Variants in PRKAR1A observed in about 807,000 individuals in gnomAD.
PRKAR1A encodes the protein protein kinase cAMP-dependent type I regulatory subunit alpha.
Under a neutral mutation model 52.0 loss-of-function variants are expected in PRKAR1A, and 3 were observed. That is an observed-to-expected ratio of 0.06 (90% CI 0.03 to 0.15). The LOEUF is 0.15. Ranked by LOEUF, PRKAR1A falls within the 10% of genes least tolerant of loss-of-function variation. PRKAR1A has a pLI of 1.00. For synonymous variants in PRKAR1A, 188 were observed against 168.4 expected (o/e 1.12, Z -0.90); for missense variants, 240 against 477.4 (o/e 0.50, Z 4.63).
the PRKAR1A span, among the ~76,000 whole-genome samples, chr17:68,456,667 T>A: frequency 6.6e-6 from 1 of 152,166 alleles, no homozygotes; most frequent in African/African-American, 2.4e-5. Flanking sequence ...GAAAGCAGTC[T>A]GCGCCCGGGA....
intron 11 of PRKAR1A, chr17:68,543,627 A>C (rs1483011834): frequency 6.2e-7 from 1 of 1,613,790 alleles, no homozygotes; most frequent in African/African-American, 1.3e-5. Flanking sequence ...GCCAGACCCT[A>C]CCTGTCCAGA....
chr17:68,444,601 C>A, the PRKAR1A span: 1 of 1,606,530 alleles, frequency 6.2e-7, no homozygotes, highest in Middle Eastern at 1.7e-4. Context: ...TGTAATCACA[C>A]AGACTTATCA....
chr17:68,425,693 T>G, the PRKAR1A span, among the ~76,000 whole-genome samples: 1 of 152,136 alleles, frequency 6.6e-6, no homozygotes. Flanking sequence ...AAGGCAGCAT[T>G]CTGCAAACGC....
the PRKAR1A span, among the ~76,000 whole-genome samples, chr17:68,489,234 A>AAT: frequency 4.9e-5 from 1 of 20,594 alleles, no homozygotes; most frequent in Non-Finnish European, 7.9e-5. Flanking sequence ...ATATATGGAA[A>AAT]GTATATATAT....
Position 68,532,050 on chromosome 17 carries a change from C to G in PRKAR1A, c.*1601C>G. On this transcript the variant is annotated 3_prime_UTR_variant, in exon 11 of 11. Coordinates refer to ENST00000589228, the MANE Select transcript of PRKAR1A (RefSeq NM_002734.5). ...ATTTGAAAAACTTTTAGGTTGTTAC[C>G]AAGTATGAAGTATAAATCTGGGGAA... 1 of 1,064,740 alleles carries G rather than the reference C, an allele frequency of 9.4e-7. No homozygotes were observed. Among genetic ancestry groups the G allele is most frequent in the Non-Finnish European group, 1.1e-6 (1 of 878,734 alleles). 66.0% of individuals were successfully genotyped at this position (1,064,740 alleles called of 1,614,324 possible). A position where few individuals can be genotyped will look rare whatever the true frequency, so the allele number is the denominator to read the frequency against.
chr17:68,548,725 ATTT>A (rs753348891), intron 11 of PRKAR1A, among the ~76,000 whole-genome samples: 49 of 79,184 alleles, frequency 6.2e-4, no homozygotes, highest in African/African-American at 2.6e-3. Flanking sequence ...ATGCCTGTAT[ATTT>A]TTTTTTTTTT....
chr17:68,535,899 G>T (rs2086084134), downstream of PRKAR1A: 1 of 453,888 alleles, frequency 2.2e-6, no homozygotes, highest in Admixed American at 2.4e-5. Flanking sequence ...TTTGGAATAG[G>T]TCTAAACCAC....
chr17:68,523,434 T>A (rs184847775), intron 3 of PRKAR1A, among the ~76,000 whole-genome samples: 1 of 152,342 alleles, frequency 6.6e-6, no homozygotes, highest in Admixed American at 6.5e-5. Context: ...TAGTTTTGCC[T>A]CAGAATAATG....
the PRKAR1A span, among the ~76,000 whole-genome samples, chr17:68,445,239 G>A: frequency 6.6e-6 from 1 of 152,128 alleles, no homozygotes; most frequent in African/African-American, 2.4e-5. Context: ...AACACTTTCT[G>A]ATCAGACCCC....
chr17:68,472,004 A>G, the PRKAR1A span, among the ~76,000 whole-genome samples: 1 of 152,148 alleles, frequency 6.6e-6, no homozygotes, highest in African/African-American at 2.4e-5. Flanking sequence ...GGGTTTTACC[A>G]TGTTGGCCAG....
chr17:68,450,798 A>G, the PRKAR1A span: 5 of 1,613,938 alleles, frequency 3.1e-6, no homozygotes, highest in Non-Finnish European at 4.2e-6. Context: ...GCCTTTCTTG[A>G]AGTGATACAC....
the PRKAR1A span, chr17:68,426,253 G>GGGGGGGT: frequency 7.1e-6 from 6 of 841,014 alleles, no homozygotes; most frequent in South Asian, 2.6e-5. Context: ...GGGGAGCGGG[G>GGGGGGGT]GCTCAAATAA....
downstream of PRKAR1A, chr17:68,535,295 TA>T (rs769508506): frequency 8.8e-6 from 4 of 454,048 alleles, no homozygotes; most frequent in African/African-American, 4.0e-5. Context: ...AAGGTAGGTG[TA>T]CCACATATCA....
the PRKAR1A span, among the ~76,000 whole-genome samples, chr17:68,486,469 CTCTCCTTCCTTCCTTCCTTCCT>C: frequency 9.8e-6 from 1 of 102,354 alleles, no homozygotes; most frequent in Non-Finnish European, 2.0e-5. Context: ...TTCTTTCTTT[CTCTCCTTCCTTCCTTCCTTCCT>C]TCCTTCCTTC....
the PRKAR1A span, among the ~76,000 whole-genome samples, chr17:68,425,075 G>A: frequency 8.5e-5 from 13 of 152,188 alleles, no homozygotes; most frequent in Non-Finnish European, 1.9e-4. Flanking sequence ...AAGAAGCCAC[G>A]CCCAGCACTC....
the PRKAR1A span, among the ~76,000 whole-genome samples, chr17:68,464,647 C>T: frequency 4.7e-5 from 7 of 149,290 alleles, no homozygotes; most frequent in East Asian, 7.9e-4. Context: ...TGCCGCCGCA[C>T]ACTGTACTCC....
chr17:68,420,025 A>C, the PRKAR1A span, among the ~76,000 whole-genome samples: 1 of 152,190 alleles, frequency 6.6e-6, no homozygotes. Flanking sequence ...TGGAAGGAGC[A>C]AATAGATTCT....
intron 11 of PRKAR1A, chr17:68,541,687 G>A: frequency 3.2e-6 from 1 of 317,000 alleles, no homozygotes; most frequent in Non-Finnish European, 5.9e-6. Context: ...TCGTGATCTG[G>A]CTACATGTCT....
intron 11 of PRKAR1A, among the ~76,000 whole-genome samples, chr17:68,550,716 G>T (rs951607393): frequency 6.6e-6 from 1 of 152,164 alleles, no homozygotes; most frequent in African/African-American, 2.4e-5. Context: ...TCTCAAGGTT[G>T]CCTGGGCCTT....
Sources: gnomAD v4.1 joint callset for allele counts (sites outside exome capture counted in the v4.1 genomes callset) on GRCh38, gnomAD v4.1.1 for gene constraint, MANE v1.5 for transcripts, NCBI Gene and HGNC (gene_info 2026-07-23, HGNC 2026-07-21) for gene names.